Variants in TENM3 observed in about 807,000 individuals in gnomAD.
TENM3 encodes teneurin transmembrane protein 3, also known as teneurin-3.
TENM3 carries 63 observed loss-of-function variants against 255.1 expected under a neutral mutation model. That is an observed-to-expected ratio of 0.25 (90% CI 0.20 to 0.30). The LOEUF (loss-of-function observed/expected upper bound fraction) is 0.30, where lower values mean the gene tolerates loss of function less well. TENM3 is among the 10% of genes least tolerant of loss of function. The probability of loss-of-function intolerance (pLI) is 1.00; values close to 1 mark genes in which losing one functional copy is unlikely to be tolerated. For missense variants in TENM3, 2,929 were observed against 3,461.1 expected, an observed-to-expected ratio of 0.85 and a Z score of 3.86; for synonymous variants, 1,306 against 1,322.3, an observed-to-expected ratio of 0.99 and a Z score of 0.27.
intron 3 of TENM3, among the ~76,000 whole-genome samples, chr4:182,473,556 C>T (rs1733363723): frequency 1.3e-5 from 2 of 152,082 alleles, no homozygotes; most frequent in Admixed American, 1.3e-4. Flanking sequence ...GCCTGTAGTC[C>T]CAGCTACTCG....
At chr4:182,650,563 C>T (rs1753162679) in intron 5 of TENM3, among the ~76,000 whole-genome samples, 2 of 149,808 alleles carry the variant, frequency 1.3e-5, no homozygotes, top group African/African-American at 4.9e-5. Context: ...GCATTCTTGA[C>T]TTTCATGAGT....
At chr4:181,517,604 C>G in the TENM3 span, among the ~76,000 whole-genome samples, 1 of 152,168 alleles carries the variant, frequency 6.6e-6, no homozygotes, top group Admixed American at 6.5e-5. Flanking sequence ...CTTGGCACAT[C>G]CCAACAGTTT....
chr4:181,470,108 T>TAAAAAAAA, the TENM3 span, among the ~76,000 whole-genome samples: 109 of 112,728 alleles, frequency 9.7e-4, 1 homozygote, highest in African/African-American at 3.2e-3. Context: ...ATAGCTTCTG[T>TAAAAAAAA]AAAAAAAAAA....
the TENM3 span, among the ~76,000 whole-genome samples, chr4:181,453,402 T>G: frequency 6.6e-6 from 1 of 152,090 alleles, no homozygotes; most frequent in African/African-American, 2.4e-5. Context: ...TTTGTGGCAC[T>G]GAAAGAGGAT....
At chr4:182,272,162 G>C (rs1284112963) in intron 1 of TENM3, among the ~76,000 whole-genome samples, 2 of 152,174 alleles carry the variant, frequency 1.3e-5, no homozygotes, top group African/African-American at 4.8e-5. Flanking sequence ...TTTTGCAAAG[G>C]TTCCGTAGAC....
In TENM3 at chr4:182,509,273, A is replaced by C. The variant is rs575541377; in HGVS notation, c.512-91651A>C. 4.6e-5 allele frequency among the ~76,000 whole-genome samples: 7 copies of C among 152,326 alleles called. No individual in the cohort carries two copies. The South Asian group carries it at 8.3e-4, about 18-fold the overall frequency. On this transcript the variant is annotated intron_variant, in intron 3 of 27. Transcript: ENST00000511685. ...CCTCAGATGTGTTTAACTCCATTTCAGTGGGGCCACCTTTGTTGTTTATAA... is the reference window on the plus strand; with the variant it reads ...CCTCAGATGTGTTTAACTCCATTTCCGTGGGGCCACCTTTGTTGTTTATAA...
intron 1 of TENM3, among the ~76,000 whole-genome samples, chr4:182,202,985 G>A (rs1224802307): frequency 1.3e-5 from 2 of 152,050 alleles, no homozygotes; most frequent in Admixed American, 6.5e-5. Context: ...GGAGGCCGGG[G>A]CGGGTGGGTC....
At chr4:181,995,555 T>G in the TENM3 span, among the ~76,000 whole-genome samples, 1 of 152,172 alleles carries the variant, frequency 6.6e-6, no homozygotes, top group East Asian at 1.9e-4. Context: ...GTTGTTTAGG[T>G]ATATAATTTC....
chr4:181,844,528 A>T, the TENM3 span, among the ~76,000 whole-genome samples: 60 of 151,652 alleles, frequency 4.0e-4, 1 homozygote, highest in African/African-American at 1.3e-3. Context: ...ATTAGCCGGG[A>T]GTGGTGGCGG....
At chr4:182,083,802 A>T in the TENM3 span, among the ~76,000 whole-genome samples, 1 of 152,178 alleles carries the variant, frequency 6.6e-6, no homozygotes, top group Non-Finnish European at 1.5e-5. Flanking sequence ...ATGGCTATTG[A>T]CTTAAGCTTT....
At chr4:181,836,022 G>A in the TENM3 span, among the ~76,000 whole-genome samples, 1 of 152,110 alleles carries the variant, frequency 6.6e-6, no homozygotes, top group African/African-American at 2.4e-5. Context: ...GATATGAGTG[G>A]TGGACATCTC....
chr4:181,962,546 C>A, the TENM3 span, among the ~76,000 whole-genome samples: 2 of 152,208 alleles, frequency 1.3e-5, no homozygotes, highest in Non-Finnish European at 2.9e-5. Context: ...TTGGATGAAA[C>A]AGGTTGTTTT....
chr4:182,281,382 T>C (rs1473314793), intron 1 of TENM3, among the ~76,000 whole-genome samples: 1 of 152,202 alleles, frequency 6.6e-6, no homozygotes, highest in African/African-American at 2.4e-5. Flanking sequence ...CCAAAGATCT[T>C]TTGGGCATTA....
At chr4:182,534,296 C>A (rs925170073) in intron 3 of TENM3, among the ~76,000 whole-genome samples, 6 of 152,096 alleles carry the variant, frequency 3.9e-5, no homozygotes, top group African/African-American at 1.4e-4. Context: ...CTCAATCTTA[C>A]AGGATAAATA....
the TENM3 span, among the ~76,000 whole-genome samples, chr4:181,837,230 A>C: frequency 6.6e-6 from 1 of 152,056 alleles, no homozygotes. Context: ...TTGTCTTAGC[A>C]GACTGTCTAT....
intron 27 of TENM3, among the ~76,000 whole-genome samples, chr4:182,797,237 C>G (rs1307236283): frequency 1.3e-5 from 2 of 152,042 alleles, no homozygotes; most frequent in African/African-American, 2.4e-5. Context: ...GTCGGGAGTT[C>G]GAGACCAGCC....
chr4:181,518,522 G>A, the TENM3 span, among the ~76,000 whole-genome samples: 1 of 152,088 alleles, frequency 6.6e-6, no homozygotes, highest in African/African-American at 2.4e-5. Context: ...CCGCCTCCTG[G>A]GTTCAAGCGA....
chr4:182,107,387 C>A, the TENM3 span, among the ~76,000 whole-genome samples: 1 of 152,188 alleles, frequency 6.6e-6, no homozygotes, highest in South Asian at 2.1e-4. Flanking sequence ...CACATGACTG[C>A]TGGGCTGAAA....
intron 13 of TENM3, among the ~76,000 whole-genome samples, chr4:182,721,016 C>T (rs1032548561): frequency 6.6e-6 from 1 of 151,990 alleles, no homozygotes; most frequent in Non-Finnish European, 1.5e-5. Context: ...GATCCACCCA[C>T]CTCAGCCTGC....
Sources: allele counts gnomAD v4.1 joint callset (sites outside exome capture counted in the v4.1 genomes callset), GRCh38; gene constraint gnomAD v4.1.1; transcripts MANE v1.5; gene names NCBI Gene and HGNC (gene_info 2026-07-23, HGNC 2026-07-21).